The following SERPINB4 variants were observed in gnomAD, a reference collection of about 807,000 sequenced individuals.
SERPINB4 encodes serpin B4.
SERPINB4 carries 39 observed loss-of-function variants against 33.2 expected under a neutral mutation model. The observed-to-expected ratio is 1.18, with a 90% confidence interval of 0.91 to 1.53. SERPINB4 has a LOEUF of 1.53. SERPINB4 is among the 40% of genes most tolerant of loss of function. The pLI is 0.00. For synonymous variants in SERPINB4, 191 were observed against 166.4 expected (o/e 1.15, Z -1.14); for missense variants, 564 against 455.4 (o/e 1.24, Z -2.17).
chr18:63,639,763 G>C lies in SERPINB4; in HGVS notation c.483C>G (p.Asn161Lys), dbSNP rs200012946. 6.2e-7 allele frequency: 1 copy of C among 1,609,026 alleles called. No homozygotes were observed. The highest frequency in any genetic ancestry group is 2.2e-5 in the East Asian group (1 of 44,796). ...TGCCAATAGTCCCATCAGGAAATAG[G>C]TTTTTAATTTTTTCTGCAAGGGAAA... is the stretch of plus-strand genomic sequence containing the variant. ...VESQTNEKIK[N>K]LFPDGTIGND... The change falls in exon 6 of 8, where the codon AAC becomes AAG. Residue 161 changes from asparagine (N) to lysine (K), a missense_variant. Coordinates refer to ENST00000341074, the MANE Select transcript of SERPINB4 (RefSeq NM_002974.4).
At chr18:63,639,532 G>A in intron 6 of SERPINB4, 102 bp downstream of exon 6, 1 of 1,042,612 alleles carries the variant, frequency 9.6e-7, no homozygotes, top group African/African-American at 1.6e-5. Flanking sequence ...TAACAGACAT[G>A]AACAATTTTT....
In SERPINB4 at chr18:63,640,996, G is replaced by A. The variant is rs763611615; in HGVS notation, c.352-5C>T. On this transcript the variant is annotated splice_region_variant and splice_polypyrimidine_tract_variant and intron_variant, in intron 4 of 7. Coordinates refer to ENST00000341074, the MANE Select transcript of SERPINB4 (RefSeq NM_002974.4). ...CTTGATGGCATCTAAATATTCCTTT[G>A]AGATATGAAGGAAGAAGTAGGAATT... 1.2e-6 allele frequency: 2 copies of A among 1,601,222 alleles called. No individual in the cohort carries two copies. Among genetic ancestry groups the A allele is most frequent in the Non-Finnish European group, 8.6e-7 (1 of 1,169,088 alleles).
chr18:63,639,037 T>C, intron 7 of SERPINB4, 148 bp downstream of exon 7: 1 of 894,944 alleles, frequency 1.1e-6, no homozygotes. Context: ...CTCAAATATT[T>C]GTAATATGAA....
At chr18:63,642,911 C>T (rs1305449222) in intron 3 of SERPINB4, 3 of 499,434 alleles carry the variant, frequency 6.0e-6, no homozygotes, top group African/African-American at 5.8e-5. Flanking sequence ...AAGAGCAAAG[C>T]TGGAGTCTGA....
In SERPINB4 at chr18:63,643,652, G is replaced by T. The variant is rs972202823; in HGVS notation, c.-26-49C>A. On this transcript the variant is annotated intron_variant, in intron 1 of 7. Transcript: ENST00000341074. Reference sequence around the variant, plus strand: ...CAGAATGACTTTAATAAATGGAATGGTATTTTGTAGTACAATTTTCTTAAA... The same window carrying T: ...CAGAATGACTTTAATAAATGGAATGTTATTTTGTAGTACAATTTTCTTAAA... 5.9e-6 allele frequency: 9 copies of T among 1,525,808 alleles called. No individual in the cohort carries two copies. In the East Asian group the frequency reaches 2.0e-4, roughly 34 times the overall value. 94.5% of individuals were successfully genotyped at this position (1,525,808 alleles called of 1,614,324 possible). A position where few individuals can be genotyped will look rare whatever the true frequency, so the allele number is the denominator to read the frequency against.
At chr18:63,641,103 C>T in intron 4 of SERPINB4, 112 bp from the exon 5 acceptor site, 2 of 814,108 alleles carry the variant, frequency 2.5e-6, no homozygotes, top group South Asian at 3.3e-5. Flanking sequence ...TGAATAGATG[C>T]AGTATCTCCT....
In SERPINB4 at chr18:63,639,643, C is replaced by A. The variant is rs140456610; in HGVS notation, c.603G>T (p.Trp201Cys). The change falls in exon 6 of 8, where the codon TGG becomes TGT. Residue 201 changes from tryptophan (W) to cysteine (C), a missense_variant. Coordinates refer to ENST00000341074, the MANE Select transcript of SERPINB4 (RefSeq NM_002974.4). ...AAAATATAGACAATACCTTGTTTGG[C>A]CAAAATTTTTCCTCTTTAGTGTTTT... ...KKENTKEEKF[W>C]PNKNTYKSVQ... The A allele has an allele frequency of 1.2e-6, 2 of 1,600,440 alleles. No homozygotes were observed. Among genetic ancestry groups the A allele is most frequent in the Non-Finnish European group, 1.7e-6 (2 of 1,169,062 alleles).
rs1912988963 is a variant in SERPINB4 at position 63,637,946 on chromosome 18, C to T, written c.946G>A (p.Gly316Ser). 1 of 1,613,628 alleles carries T rather than the reference C, an allele frequency of 6.2e-7. No homozygotes were observed. Among genetic ancestry groups the T allele is most frequent in the African/African-American group, 1.3e-5 (1 of 75,004 alleles). Reference sequence around the variant, plus strand: ...GAGAGACCGTGGCTCCAGGTCATGCCTGAGAGGTCTGCATCCCCATTGAAG... The same window carrying T: ...GAGAGACCGTGGCTCCAGGTCATGCTTGAGAGGTCTGCATCCCCATTGAAG... ...NIFNGDADLS[G>S]MTWSHGLSVS... The change falls in exon 8 of 8, where the codon GGC becomes AGC. Residue 316 changes from glycine (G) to serine (S), a missense_variant. Physicochemically the swap from Gly to Ser is moderately conservative, Grantham distance 56. Transcript: ENST00000341074.
Position 63,640,913 on chromosome 18 carries a change from G to C in SERPINB4, c.430C>G (p.Arg144Gly). ...TDFANAPEESRKKINSWVESQ... is the reference protein window; with the variant it reads ...TDFANAPEESGKKINSWVESQ... ...TCCACCCAGGAGTTAATCTTCTTTC[G>C]ACTTTCTTCTGGAGCATTTGCAAAA... Residue 144 changes from arginine to glycine, a missense_variant, in exon 5 of 8, where the codon CGA becomes GGA. By Grantham distance (125) the Arg-to-Gly change is moderately radical. Transcript: ENST00000341074. 6.2e-7 allele frequency: 1 copy of C among 1,612,742 alleles called. No homozygotes were observed. The highest frequency in any genetic ancestry group is 8.5e-7 in the Non-Finnish European group (1 of 1,179,236).
intron 1 of SERPINB4, among the ~76,000 whole-genome samples, chr18:63,643,975 C>T (rs1913230512): frequency 6.6e-6 from 1 of 151,832 alleles, no homozygotes; most frequent in South Asian, 2.1e-4. Context: ...CTTCAAGACT[C>T]TCTGGCTGCA....
At chr18:63,638,213 T>A in intron 7 of SERPINB4, 90 bp from the exon 8 acceptor site, 2 of 1,443,518 alleles carry the variant, frequency 1.4e-6, no homozygotes, top group Admixed American at 2.5e-5. Context: ...GATTCGTTAT[T>A]TTGGCAATAA....
At chr18:63,643,760 A>G (rs182260568) in intron 1 of SERPINB4, among the ~76,000 whole-genome samples, 157 bp from the exon 2 acceptor site, 144 of 152,280 alleles carry the variant, frequency 9.5e-4, no homozygotes, top group Non-Finnish European at 1.6e-3. Context: ...TACAATGTGC[A>G]TATATTAAAT....
At position 63,641,746 on chromosome 18, in the gene SERPINB4, C is replaced by G. The variant is rs767132839; in HGVS notation, c.351+14G>C. ...AGGATGCAAATGAAATGTGGGTAGG[C>G]CAGGTGAAATTACCTGTAAAAATTG... On this transcript the variant is annotated intron_variant, in intron 4 of 7. Transcript: ENST00000341074. 1 of 1,613,048 alleles carries G rather than the reference C, an allele frequency of 6.2e-7. No individual in the cohort carries two copies. Among genetic ancestry groups the G allele is most frequent in the Non-Finnish European group, 8.5e-7 (1 of 1,179,276 alleles).
At chr18:63,638,723 G>A (rs1343707963) in intron 7 of SERPINB4, among the ~76,000 whole-genome samples, 1 of 147,290 alleles carries the variant, frequency 6.8e-6, no homozygotes, top group Admixed American at 7.0e-5. Flanking sequence ...CATTAACTAA[G>A]CCATAGATGG....
At chr18:63,643,751 A>G in intron 1 of SERPINB4, 148 bp from the exon 2 acceptor site, 1 of 851,230 alleles carries the variant, frequency 1.2e-6, no homozygotes, top group Non-Finnish European at 1.8e-6. Flanking sequence ...CAATCTTTCT[A>G]CAATGTGCAT....
chr18:63,638,597 C>T (rs372146139), intron 7 of SERPINB4, among the ~76,000 whole-genome samples: 3 of 151,716 alleles, frequency 2.0e-5, no homozygotes, highest in South Asian at 2.1e-4. Context: ...CTTTTCTACT[C>T]GGCCTATTTG....
chr18:63,642,023 G>T (rs1913151939), intron 3 of SERPINB4, 135 bp from the exon 4 acceptor site: 3 of 1,332,254 alleles, frequency 2.3e-6, no homozygotes, highest in Admixed American at 2.0e-5. Context: ...CTGATAATTG[G>T]TGTATTTCAC....
rs919420223 is a variant in SERPINB4, at chr18:63,643,659, G to A, written c.-26-56C>T. On this transcript the variant is annotated intron_variant, in intron 1 of 7. Transcript: ENST00000341074. ...ACTTTAATAAATGGAATGGTATTTT[G>A]TAGTACAATTTTCTTAAAGAAATGA... The A allele has an allele frequency of 3.0e-5, 45 of 1,517,872 alleles. No individual in the cohort carries two copies. In the East Asian group the frequency reaches 6.8e-4, roughly 23 times the overall value. The allele number at this position is 1,517,872 out of a possible 1,614,324, so 94.0% of individuals were successfully genotyped here.
intron 7 of SERPINB4, among the ~76,000 whole-genome samples, chr18:63,638,622 A>G (rs887504886): frequency 6.6e-6 from 1 of 151,788 alleles, no homozygotes; most frequent in African/African-American, 2.4e-5. Context: ...CTTTCCTCAC[A>G]TTGGTATATA....
Sources: allele counts gnomAD v4.1 joint callset (sites outside exome capture counted in the v4.1 genomes callset), GRCh38; gene constraint gnomAD v4.1.1; transcripts MANE v1.5; gene names NCBI Gene and HGNC (gene_info 2026-07-23, HGNC 2026-07-21).